Variants in COL16A1 observed in about 807,000 individuals in gnomAD.
COL16A1 encodes the protein collagen type XVI alpha 1 chain, also known as collagen alpha-1(XVI) chain.
COL16A1 carries 189 observed loss-of-function variants against 266.3 expected under a neutral mutation model. That is an observed-to-expected ratio of 0.71 (90% CI 0.63 to 0.80). The LOEUF is 0.80. COL16A1 is among the 30% of genes least tolerant of loss of function. The probability of loss-of-function intolerance (pLI) is 0.00; values close to 1 mark genes in which losing one functional copy is unlikely to be tolerated. For missense variants in COL16A1, 1,928 were observed against 2,122.4 expected (o/e 0.91, Z 1.80); for synonymous variants, 740 against 782.3 (o/e 0.95, Z 0.90).
intron 42 of COL16A1, among the ~76,000 whole-genome samples, chr1:31,678,754 C>T (rs57303584): frequency 0.019 from 2,907 of 152,258 alleles, 89 homozygotes; most frequent in African/African-American, 0.066. Flanking sequence ...ATGAGTTAGG[C>T]GCACTTAGCA....
At chr1:31,696,814 G>C (rs1644521892) in intron 8 of COL16A1, 149 bp downstream of exon 8, 2 of 1,312,444 alleles carry the variant, frequency 1.5e-6, no homozygotes. Flanking sequence ...ATCATTTAGG[G>C]GTGGCGTACA....
chr1:31,684,118 A>C lies in COL16A1; in HGVS notation c.2274T>G (p.Pro758=), dbSNP rs1239633260. Residue 758 remains proline, a synonymous_variant, in exon 32 of 71, where the codon CCT becomes CCG. Coordinates refer to ENST00000373672, the MANE Select transcript of COL16A1 (RefSeq NM_001856.4). ...GEQGPEGVGR[P]GKPGQPGLPG... is the part of the protein sequence containing the mutation. ...AGGGCAGGCAACTCACGGGTTTACC[A>C]GGTCGGCCCACGCCTTCGGGGCCCT... is the stretch of plus-strand genomic sequence containing the variant. 1.9e-6 allele frequency: 3 copies of C among 1,581,528 alleles called. No homozygotes were observed. The South Asian group carries it at 3.5e-5, about 18-fold the overall frequency.
chr1:31,653,778 C>A, intron 69 of COL16A1, 89 bp downstream of exon 69: 2 of 1,568,066 alleles, frequency 1.3e-6, no homozygotes, highest in South Asian at 1.2e-5. Context: ...CACACACATA[C>A]ATCCCATATT....
rs1198217738 is a variant in COL16A1, at chr1:31,671,602, C to T, written c.3150+13G>A. On this transcript the variant is annotated intron_variant, in intron 48 of 70. Transcript: ENST00000373672. ...GAGCTTCTCAAGCAGACCAGGGCACCACTGATACTTACGATAGGGCCTGGA... is the reference window on the plus strand; with the variant it reads ...GAGCTTCTCAAGCAGACCAGGGCACTACTGATACTTACGATAGGGCCTGGA... 3 of 1,613,916 alleles carry T rather than the reference C, an allele frequency of 1.9e-6. No homozygotes were observed. Among genetic ancestry groups the T allele is most frequent in the Non-Finnish European group, 2.5e-6 (3 of 1,179,992 alleles).
intron 34 of COL16A1, 99 bp from the exon 35 acceptor site, chr1:31,683,468 C>A: frequency 6.2e-7 from 1 of 1,603,104 alleles, no homozygotes; most frequent in Non-Finnish European, 8.5e-7. Flanking sequence ...GGGGTATCTG[C>A]CAGCCCAAAT....
At position 31,652,996 on chromosome 1, in the gene COL16A1, C is replaced by T. The variant is rs115780013; in HGVS notation, c.4613-143G>A. The T allele has an allele frequency of 1.7e-3, 1,419 of 851,442 alleles. 4 individuals are homozygous for T. Among genetic ancestry groups the T allele is most frequent in the Admixed American group, 4.3e-3 (113 of 25,986 alleles). The allele number at this position is 851,442 out of a possible 1,614,324, so 52.7% of individuals were successfully genotyped here. ...GTTTTCATGAAGACCTAGTCTGATC[C>T]TCACGTTGATTTAACAATAACAATA... On this transcript the variant is annotated intron_variant, in intron 70 of 70. Coordinates refer to ENST00000373672, the MANE Select transcript of COL16A1 (RefSeq NM_001856.4). This position sits in a 1 kb window ranked among gnomAD's most constrained non-coding sequence, Gnocchi z 4.8.
At position 31,656,840 on chromosome 1, in the gene COL16A1, A is replaced by AT; in HGVS notation, c.4056+192_4056+193insA. 1 of 601,598 alleles carries AT rather than the reference A, an allele frequency of 1.7e-6. No homozygotes were observed. The allele number at this position is 601,598 out of a possible 1,614,324, so 37.3% of individuals were successfully genotyped here. Reference sequence around the variant, plus strand: ...ACAGGGTTTAAAAAAAAAAAAAAAAAGGTAAAACAAATCTCACTCCCATCC... The same window carrying AT: ...ACAGGGTTTAAAAAAAAAAAAAAAAATGGTAAAACAAATCTCACTCCCATCC... On this transcript the variant is annotated intron_variant, in intron 65 of 70. Transcript: ENST00000373672. The surrounding 1 kb of genome is among the most constrained non-coding windows in gnomAD (Gnocchi z 4.2).
rs1159597770 is a variant in COL16A1 at position 31,684,235 on chromosome 1, G to A, written c.2161-4C>T. On this transcript the variant is annotated splice_region_variant and splice_polypyrimidine_tract_variant and intron_variant, in intron 31 of 70. Coordinates refer to ENST00000373672, the MANE Select transcript of COL16A1 (RefSeq NM_001856.4). Reference sequence around the variant, plus strand: ...GGCAGGCAGTGCAGCCATCACCCTGGTCAGAGATGGGTACAGCCAGGAGCC... The same window carrying A: ...GGCAGGCAGTGCAGCCATCACCCTGATCAGAGATGGGTACAGCCAGGAGCC... 6.7e-7 allele frequency: 1 copy of A among 1,485,844 alleles called. No individual in the cohort carries two copies. Among genetic ancestry groups the A allele is most frequent in the Non-Finnish European group, 9.0e-7 (1 of 1,115,632 alleles). The allele number at this position is 1,485,844 out of a possible 1,614,324, so 92.0% of individuals were successfully genotyped here.
In COL16A1 at chr1:31,684,822, T is replaced by C; in HGVS notation, c.2051A>G (p.Lys684Arg). ...CCGTGCCCACGGACGCCCTCTCACC[T>C]TCTGCCCCTTCAGTCCACGCTCTCC... is the stretch of plus-strand genomic sequence containing the variant. ...KAGERGLKGQ[K>R]GDAGNPGDPG... The change falls in exon 30 of 71, where the codon AAG becomes AGG. Residue 684 changes from lysine (K) to arginine (R), a missense_variant and splice_region_variant. Physicochemically the swap from Lys to Arg is conservative, Grantham distance 26 (BLOSUM62 2). Coordinates refer to ENST00000373672, the MANE Select transcript of COL16A1 (RefSeq NM_001856.4). 6.2e-7 allele frequency: 1 copy of C among 1,614,134 alleles called. No individual in the cohort carries two copies. The highest frequency in any genetic ancestry group is 8.5e-7 in the Non-Finnish European group (1 of 1,180,012).
Position 31,685,721 on chromosome 1 carries a change from T to C in COL16A1, c.1934A>G (p.Asp645Gly). ...CPALSNLQDGDVRVVALPGPS... is the reference protein window; with the variant it reads ...CPALSNLQDGGVRVVALPGPS... ...GCCAGGCAAGGCCACCACACGGACATCCCCATCCTGAAGGTTGGACAGGGC... is the reference window on the plus strand; with the variant it reads ...GCCAGGCAAGGCCACCACACGGACACCCCCATCCTGAAGGTTGGACAGGGC... The change falls in exon 29 of 71, where the codon GAT becomes GGT. Residue 645 changes from aspartate (D) to glycine (G), a missense_variant. By Grantham distance (94) the Asp-to-Gly change is moderately conservative. Coordinates refer to ENST00000373672, the MANE Select transcript of COL16A1 (RefSeq NM_001856.4). The surrounding 1 kb of genome is among the most constrained non-coding windows in gnomAD (Gnocchi z 4.0). 2.5e-6 allele frequency: 4 copies of C among 1,613,910 alleles called. No individual in the cohort carries two copies. Among genetic ancestry groups the C allele is most frequent in the Non-Finnish European group, 2.5e-6 (3 of 1,180,000 alleles).
At chr1:31,702,069 C>T (rs1644743075) in intron 2 of COL16A1, 52 bp downstream of exon 2, 5 of 1,613,292 alleles carry the variant, frequency 3.1e-6, no homozygotes, top group Middle Eastern at 1.7e-4. Flanking sequence ...CCCAGCACCC[C>T]AGGATACCAG....
In COL16A1 at chr1:31,683,241, G is replaced by C; in HGVS notation, c.2422C>G (p.Pro808Ala). ...APGLPGIQGL[P>A]GPRGPPGPTG... ...GGGCCAGGTGGTCCCCGAGGTCCCG[G>C]AAGTCCCTGCAGATGGAAGCACAGT... Residue 808 changes from proline (P) to alanine (A), a missense_variant, in exon 36 of 71, where the codon CCG (proline) becomes GCG (alanine). Coordinates refer to ENST00000373672, the MANE Select transcript of COL16A1 (RefSeq NM_001856.4). 1 of 1,614,200 alleles carries C rather than the reference G, an allele frequency of 6.2e-7. No homozygotes were observed. The highest frequency in any genetic ancestry group is 8.5e-7 in the Non-Finnish European group (1 of 1,180,042).
At chr1:31,690,609 T>G (rs767148343) in intron 20 of COL16A1, 36 bp from the exon 21 acceptor site, 1 of 1,610,726 alleles carries the variant, frequency 6.2e-7, no homozygotes. Flanking sequence ...GGGAGCCTTC[T>G]GGCCAATGCA....
chr1:31,668,222 C>T lies in COL16A1; in HGVS notation c.3250-4G>A. ...AACCTGGTTGCCCTGGAGGACCCTGCAAAGAAAGGCAGACATGATGGATAG... is the reference window on the plus strand; with the variant it reads ...AACCTGGTTGCCCTGGAGGACCCTGTAAAGAAAGGCAGACATGATGGATAG... On this transcript the variant is annotated splice_region_variant and splice_polypyrimidine_tract_variant and intron_variant, in intron 50 of 70. Coordinates refer to ENST00000373672, the MANE Select transcript of COL16A1 (RefSeq NM_001856.4). This position sits in a 1 kb window ranked among gnomAD's most constrained non-coding sequence, Gnocchi z 5.8. 1 of 1,613,466 alleles carries T rather than the reference C, an allele frequency of 6.2e-7. No homozygotes were observed. Among genetic ancestry groups the T allele is most frequent in the Non-Finnish European group, 8.5e-7 (1 of 1,179,614 alleles).
At position 31,675,015 on chromosome 1, in the gene COL16A1, G is replaced by A. The variant is rs777708541; in HGVS notation, c.2851C>T (p.Leu951Phe). 6.2e-6 allele frequency: 10 copies of A among 1,612,832 alleles called. No individual in the cohort carries two copies. The highest frequency in any genetic ancestry group is 1.6e-4 in the Middle Eastern group (1 of 6,082). Residue 951 changes from leucine (L) to phenylalanine (F), a missense_variant, in exon 44 of 71, where the codon CTC becomes TTC. Transcript: ENST00000373672. ...CCTGGGTACCCTCTTACCTTAAGGA[G>A]GTGCTGTTCAATTGGTAAGGATCCC... ...ELGSLPIEQHLLKSICGDCVQ... is the reference protein window; with the variant it reads ...ELGSLPIEQHFLKSICGDCVQ...
At chr1:31,701,299 A>C in intron 2 of COL16A1, 2 of 983,366 alleles carry the variant, frequency 2.0e-6, no homozygotes, top group South Asian at 9.4e-5. Context: ...CCCCCAGGGG[A>C]CCCAGTGAGG....
chr1:31,693,361 A>G, intron 12 of COL16A1: 1 of 578,168 alleles, frequency 1.7e-6, no homozygotes, highest in Non-Finnish European at 3.1e-6. Context: ...ATGCCCTCCC[A>G]CCCCAAGATG....
At position 31,670,726 on chromosome 1, in the gene COL16A1, G is replaced by A; in HGVS notation, c.3151-80C>T. 1 of 1,210,082 alleles carries A rather than the reference G, an allele frequency of 8.3e-7. No homozygotes were observed. Among genetic ancestry groups the A allele is most frequent in the Non-Finnish European group, 1.1e-6 (1 of 913,906 alleles). 75.0% of individuals were successfully genotyped at this position (1,210,082 alleles called of 1,614,324 possible). A position where few individuals can be genotyped will look rare whatever the true frequency, so the allele number is the denominator to read the frequency against. On this transcript the variant is annotated intron_variant, in intron 48 of 70. Coordinates refer to ENST00000373672, the MANE Select transcript of COL16A1 (RefSeq NM_001856.4). This position sits in a 1 kb window ranked among gnomAD's most constrained non-coding sequence, Gnocchi z 4.5. ...CCTGGAGGGCACAGTCTGGGGCTTG[G>A]GGGTCATGGGGAGAGGAGGTCATGG... is the stretch of plus-strand genomic sequence containing the variant.
At chr1:31,676,741 C>T (rs946540126) in intron 42 of COL16A1, among the ~76,000 whole-genome samples, 22 of 152,354 alleles carry the variant, frequency 1.4e-4, no homozygotes, top group African/African-American at 4.8e-4. Context: ...TTAAATACTC[C>T]ATGGAGGCAG....
Sources: allele counts gnomAD v4.1 joint callset (sites outside exome capture counted in the v4.1 genomes callset), GRCh38; gene constraint gnomAD v4.1.1; non-coding constraint Gnocchi (gnomAD v3.1); transcripts MANE v1.5; gene names NCBI Gene and HGNC (gene_info 2026-07-23, HGNC 2026-07-21).